RSRC1: variants seen among roughly 807,000 people sequenced by gnomAD.
RSRC1 encodes the protein arginine and serine rich coiled-coil 1.
In RSRC1, 39 loss-of-function variants were observed where a neutral mutation model predicts 49.1. The ratio of observed to expected loss-of-function variants is 0.79; its 90% CI spans 0.61 to 1.04. The LOEUF is 1.04. Ranked by LOEUF, RSRC1 falls within the 50% of genes least tolerant of loss-of-function variation. The pLI, the probability that RSRC1 is intolerant of heterozygous loss-of-function variation, is 0.00. For synonymous variants in RSRC1, 143 were observed against 130.8 expected (o/e 1.09, Z -0.63); for missense variants, 388 against 402.4 (o/e 0.96, Z 0.31).
chr3:158,256,842 T>C (rs2108025470), intron 4 of RSRC1, among the ~76,000 whole-genome samples: 1 of 152,328 alleles, frequency 6.6e-6, no homozygotes, highest in East Asian at 1.9e-4. Context: ...TTCTAGATTT[T>C]ATAGTTTATT....
At chr3:158,194,604 G>A (rs956209822) in intron 3 of RSRC1, among the ~76,000 whole-genome samples, 105 of 149,028 alleles carry the variant, frequency 7.0e-4, no homozygotes, top group Middle Eastern at 3.4e-3. Context: ...CCATTAACTC[G>A]TCGTTTAACA....
Position 158,203,166 on chromosome 3 carries a change from C to T in RSRC1, c.415C>T (p.Arg139Cys), listed in dbSNP as rs548575624. The T allele has an allele frequency of 5.3e-5, 85 of 1,612,806 alleles. No individual in the cohort carries two copies. Among genetic ancestry groups the T allele is most frequent in the South Asian group, 4.0e-4 (36 of 90,972 alleles). ...TAGTCGGTCTCGGGATAGAGAACGA[C>T]GTAAGGGCAGAGATAAAGAGAAAAG... Reference protein sequence around the residue: ...TRSRSRDRERRKGRDKEKREK... With the variant: ...TRSRSRDRERCKGRDKEKREK... The change falls in exon 4 of 10, where the codon CGT becomes TGT. Residue 139 changes from arginine (R) to cysteine (C), a missense_variant. Transcript: ENST00000611884.
At chr3:158,331,254 A>G (rs1308370242) in intron 5 of RSRC1, among the ~76,000 whole-genome samples, 1 of 152,212 alleles carries the variant, frequency 6.6e-6, no homozygotes, top group East Asian at 1.9e-4. Flanking sequence ...TCACATTTAC[A>G]TATTTTAATA....
chr3:158,514,249 CA>C (rs1434758744), intron 7 of RSRC1, among the ~76,000 whole-genome samples: 3 of 152,136 alleles, frequency 2.0e-5, no homozygotes, highest in Non-Finnish European at 4.4e-5. Flanking sequence ...CTCTTGTGGG[CA>C]TTTAGTGCTG....
chr3:158,484,528 A>T (rs1408136874), intron 7 of RSRC1, among the ~76,000 whole-genome samples: 1 of 152,130 alleles, frequency 6.6e-6, no homozygotes, highest in African/African-American at 2.4e-5. Flanking sequence ...AAGTGCAAAA[A>T]TAACCTGTCT....
At chr3:158,439,558 G>A (rs142145040) in intron 6 of RSRC1, among the ~76,000 whole-genome samples, 12 of 152,124 alleles carry the variant, frequency 7.9e-5, no homozygotes, top group African/African-American at 1.7e-4. Context: ...GGAAACTATC[G>A]CAAGGACAGA....
At chr3:158,347,375 T>C (rs1730612385) in intron 5 of RSRC1, among the ~76,000 whole-genome samples, 1 of 152,204 alleles carries the variant, frequency 6.6e-6, no homozygotes, top group Admixed American at 6.5e-5. Context: ...CATTTCCCTA[T>C]GAGATGTGAA....
intron 4 of RSRC1, among the ~76,000 whole-genome samples, chr3:158,266,566 A>G (rs1041790717): frequency 1.3e-5 from 2 of 152,048 alleles, no homozygotes; most frequent in African/African-American, 4.8e-5. Flanking sequence ...ACTTTTTATC[A>G]TTACATTTTA....
chr3:158,526,300 T>A (rs138220860), intron 7 of RSRC1, among the ~76,000 whole-genome samples: 49 of 152,130 alleles, frequency 3.2e-4, no homozygotes, highest in Non-Finnish European at 5.6e-4. Flanking sequence ...ATTGAAAGGC[T>A]ACAGAGCAGC....
chr3:158,429,988 A>G (rs1361077351), intron 6 of RSRC1, among the ~76,000 whole-genome samples: 1 of 151,744 alleles, frequency 6.6e-6, no homozygotes, highest in African/African-American at 2.4e-5. Flanking sequence ...ATAGTAAACA[A>G]TAATGACTTG....
At chr3:158,492,078 G>A (rs953723610) in intron 7 of RSRC1, among the ~76,000 whole-genome samples, 8 of 152,170 alleles carry the variant, frequency 5.3e-5, no homozygotes, top group South Asian at 2.1e-4. Flanking sequence ...AGGCAAAGGC[G>A]AAGCAAGGCA....
At chr3:158,474,918 G>A (rs957301903) in intron 7 of RSRC1, among the ~76,000 whole-genome samples, 1 of 144,970 alleles carries the variant, frequency 6.9e-6, no homozygotes, top group Non-Finnish European at 1.5e-5. Flanking sequence ...GTTTTGGAGG[G>A]GAGACGGGGG....
At chr3:158,335,166 A>C (rs1729813319) in intron 5 of RSRC1, among the ~76,000 whole-genome samples, 1 of 152,222 alleles carries the variant, frequency 6.6e-6, no homozygotes, top group Non-Finnish European at 1.5e-5. Context: ...GAGAGGTGGC[A>C]GTCTGTAGCA....
chr3:158,290,366 A>T (rs1264818975), intron 4 of RSRC1, among the ~76,000 whole-genome samples: 1 of 151,926 alleles, frequency 6.6e-6, no homozygotes, highest in Non-Finnish European at 1.5e-5. Flanking sequence ...TCCGCCTCCC[A>T]GGTTCACGCC....
At chr3:158,170,234 G>A (rs1718793020) in intron 3 of RSRC1, among the ~76,000 whole-genome samples, 1 of 149,986 alleles carries the variant, frequency 6.7e-6, no homozygotes, top group African/African-American at 2.4e-5. Context: ...CTTGAAGCCA[G>A]ATTTTTTGTT....
intron 5 of RSRC1, among the ~76,000 whole-genome samples, 174 bp from the exon 6 acceptor site, chr3:158,354,680 TATC>T (rs940392110): frequency 6.6e-6 from 1 of 152,232 alleles, no homozygotes; most frequent in African/African-American, 2.4e-5. Flanking sequence ...GAAAGAAGCT[TATC>T]ATTCTTGCAT....
At chr3:158,284,725 C>T (rs1726406138) in intron 4 of RSRC1, among the ~76,000 whole-genome samples, 1 of 152,030 alleles carries the variant, frequency 6.6e-6, no homozygotes, top group African/African-American at 2.4e-5. Context: ...CCTTTGCCCA[C>T]TTTTTGATGG....
intron 3 of RSRC1, among the ~76,000 whole-genome samples, chr3:158,160,601 G>A (rs1037278394): frequency 2.0e-5 from 3 of 152,016 alleles, no homozygotes; most frequent in Non-Finnish European, 4.4e-5. Context: ...AGAAAGGGAA[G>A]GGCTCTTTTC....
chr3:158,262,316 G>A (rs1724949155), intron 4 of RSRC1, among the ~76,000 whole-genome samples: 1 of 151,960 alleles, frequency 6.6e-6, no homozygotes, highest in Admixed American at 6.6e-5. Flanking sequence ...TATAAGATAT[G>A]GTTAATGTTC....
Sources: allele counts gnomAD v4.1 joint callset (sites outside exome capture counted in the v4.1 genomes callset), GRCh38; gene constraint gnomAD v4.1.1; transcripts MANE v1.5; gene names NCBI Gene and HGNC (gene_info 2026-07-23, HGNC 2026-07-21).